UNC13C: variants seen among roughly 807,000 people sequenced by gnomAD.
UNC13C encodes the protein unc-13 homolog C.
Under a neutral mutation model 245.4 loss-of-function variants are expected in UNC13C, and 174 were observed. The ratio of observed to expected loss-of-function variants is 0.71; its 90% CI spans 0.63 to 0.80. The LOEUF is 0.80. Among genes scored for constraint, UNC13C ranks in the 30% least tolerant of loss-of-function variants. The pLI is 0.00. For missense variants in UNC13C, 2,829 were observed against 2,602.9 expected, an observed-to-expected ratio of 1.09 and a Z score of -1.89; for synonymous variants, 992 against 895.1, an observed-to-expected ratio of 1.11 and a Z score of -1.93.
chr15:54,610,594 A>G (rs1036214359), intron 30 of UNC13C, among the ~76,000 whole-genome samples: 1 of 152,194 alleles, frequency 6.6e-6, no homozygotes, highest in Admixed American at 6.5e-5. Flanking sequence ...TTTAATAACC[A>G]CCAAAATAAT....
intron 18 of UNC13C, among the ~76,000 whole-genome samples, chr15:54,396,456 G>A (rs144287454): frequency 2.0e-5 from 3 of 151,420 alleles, no homozygotes; most frequent in African/African-American, 4.8e-5. Flanking sequence ...CCATGTTATT[G>A]TATGTTTCTT....
At chr15:54,191,734 G>C (rs940394798) in intron 4 of UNC13C, among the ~76,000 whole-genome samples, 5 of 152,052 alleles carry the variant, frequency 3.3e-5, no homozygotes, top group African/African-American at 1.2e-4. Context: ...ACTTTTTAAT[G>C]ATCACCATTC....
At chr15:54,278,236 C>A (rs1349086688) in intron 10 of UNC13C, among the ~76,000 whole-genome samples, 1 of 152,040 alleles carries the variant, frequency 6.6e-6, no homozygotes, top group African/African-American at 2.4e-5. Flanking sequence ...ATCAGCCACT[C>A]CTTATGAGTA....
chr15:54,095,149 T>C (rs1899786335), intron 2 of UNC13C, among the ~76,000 whole-genome samples: 1 of 152,142 alleles, frequency 6.6e-6, no homozygotes, highest in South Asian at 2.1e-4. Flanking sequence ...CAGAACACCA[T>C]CCACCCCAGC....
intron 17 of UNC13C, among the ~76,000 whole-genome samples, chr15:54,339,020 G>T (rs1423485866): frequency 6.6e-6 from 1 of 151,968 alleles, no homozygotes; most frequent in Non-Finnish European, 1.5e-5. Flanking sequence ...GCATGAGCCA[G>T]CATTCCCAGC....
At chr15:54,248,963 T>A (rs766097603) in intron 7 of UNC13C, among the ~76,000 whole-genome samples, 21 of 152,232 alleles carry the variant, frequency 1.4e-4, no homozygotes, top group Non-Finnish European at 2.2e-4. Context: ...GGGAAAATAT[T>A]CTGAAATGAG....
chr15:54,293,329 A>G (rs2037350259), intron 10 of UNC13C, among the ~76,000 whole-genome samples: 2 of 151,942 alleles, frequency 1.3e-5, no homozygotes, highest in Non-Finnish European at 2.9e-5. Flanking sequence ...GGTGAAGAAA[A>G]CCTGGAAATT....
At position 54,060,608 on chromosome 15, in the gene UNC13C, C is replaced by G. The variant is rs1027151604; in HGVS notation, c.2983+44722C>G. ...AGAAATACCATTTGACCCAGCCATC[C>G]CATTACTGGGTATATACCCAAAGGA... is the stretch of plus-strand genomic sequence containing the variant. On this transcript the variant is annotated intron_variant, in intron 2 of 32. Transcript: ENST00000260323. Among the ~76,000 whole-genome samples the G allele has an allele frequency of 8.6e-4, 129 of 150,014 alleles. 1 individual carries two copies. Among genetic ancestry groups the G allele is most frequent in the African/African-American group, 3.1e-3 (124 of 40,636 alleles).
intron 4 of UNC13C, among the ~76,000 whole-genome samples, chr15:54,154,607 G>C (rs143350840): frequency 1.3e-5 from 2 of 152,048 alleles, no homozygotes; most frequent in African/African-American, 2.4e-5. Context: ...CAACATTTCC[G>C]TTTTTTCCCC....
At chr15:54,322,133 C>T (rs1323017968) in intron 14 of UNC13C, 38 bp downstream of exon 14, 14 of 1,497,850 alleles carry the variant, frequency 9.3e-6, no homozygotes, top group African/African-American at 1.4e-5. Flanking sequence ...TTCCTAGCAG[C>T]TTATGGGAGT....
Position 54,305,416 on chromosome 15 carries a change from GATA to G in UNC13C, c.4268+5044_4268+5046del, listed in dbSNP as rs527376553. Among the ~76,000 whole-genome samples the G allele has an allele frequency of 2.0e-5, 3 of 152,074 alleles. No homozygotes were observed. In the South Asian group the frequency reaches 6.2e-4, roughly 32 times the overall value. On this transcript the variant is annotated intron_variant, in intron 13 of 32. Coordinates refer to ENST00000260323, the MANE Select transcript of UNC13C (RefSeq NM_001080534.3). The stretch of plus-strand genomic sequence containing the variant: ...CAAGAGTTGAAATACAGCTTTCAGA[GATA>G]GTTTCCACCATACTTTTAAAATGAT...
At chr15:54,152,239 C>T (rs1426622633) in intron 4 of UNC13C, among the ~76,000 whole-genome samples, 1 of 152,152 alleles carries the variant, frequency 6.6e-6, no homozygotes, top group Non-Finnish European at 1.5e-5. Context: ...TCACTTCTGG[C>T]TTTGAGTATC....
intron 2 of UNC13C, among the ~76,000 whole-genome samples, chr15:54,059,603 G>C (rs185409700): frequency 9.2e-4 from 140 of 152,106 alleles, no homozygotes; most frequent in African/African-American, 3.3e-3. Flanking sequence ...TCACAGAATT[G>C]GAAAAAACTA....
At chr15:54,363,746 T>A (rs1168161984) in intron 17 of UNC13C, among the ~76,000 whole-genome samples, 1 of 152,206 alleles carries the variant, frequency 6.6e-6, no homozygotes, top group Non-Finnish European at 1.5e-5. Flanking sequence ...GTGTTAAATT[T>A]CCTGATTTTC....
At chr15:54,130,875 G>A (rs1198709909) in intron 2 of UNC13C, among the ~76,000 whole-genome samples, 1 of 152,128 alleles carries the variant, frequency 6.6e-6, no homozygotes, top group African/African-American at 2.4e-5. Flanking sequence ...CTTGTTTACA[G>A]ATTCTATTGT....
chr15:54,027,319 G>A (rs1896153662), intron 2 of UNC13C, among the ~76,000 whole-genome samples: 1 of 152,196 alleles, frequency 6.6e-6, no homozygotes, highest in Admixed American at 6.5e-5. Context: ...AGAAGAGTAA[G>A]ATAATGAGTT....
intron 2 of UNC13C, among the ~76,000 whole-genome samples, chr15:54,081,158 G>C (rs908845520): frequency 2.0e-5 from 3 of 151,968 alleles, no homozygotes; most frequent in Non-Finnish European, 4.4e-5. Context: ...TTTGTTTTGT[G>C]GTCTGATAAT....
chr15:54,213,934 G>C (rs1196906986), intron 4 of UNC13C, among the ~76,000 whole-genome samples: 4 of 151,908 alleles, frequency 2.6e-5, no homozygotes, highest in African/African-American at 4.8e-5. Context: ...TATCCAAGGA[G>C]GCAAAGGCAC....
At chr15:54,216,991 G>A (rs557842962) in intron 4 of UNC13C, among the ~76,000 whole-genome samples, 3 of 152,082 alleles carry the variant, frequency 2.0e-5, no homozygotes, top group Middle Eastern at 3.4e-3. Flanking sequence ...TTACTTTAGA[G>A]TACTATGTGT....
Sources: allele counts gnomAD v4.1 joint callset (sites outside exome capture counted in the v4.1 genomes callset), GRCh38; gene constraint gnomAD v4.1.1; transcripts MANE v1.5; gene names NCBI Gene and HGNC (gene_info 2026-07-23, HGNC 2026-07-21).